RAPGEF2: variants seen among roughly 807,000 people sequenced by gnomAD.
RAPGEF2 encodes the protein PDZ domain containing guanine nucleotide exchange factor (GEF) 1.
RAPGEF2 carries 54 observed loss-of-function variants against 186.7 expected under a neutral mutation model. The ratio of observed to expected loss-of-function variants is 0.29; its 90% confidence interval spans 0.23 to 0.36. The LOEUF (loss-of-function observed/expected upper bound fraction) is 0.36, where lower values mean the gene tolerates loss of function less well. Among genes scored for constraint, RAPGEF2 ranks in the 10% least tolerant of loss-of-function variants. RAPGEF2 has a pLI of 1.00. For synonymous variants in RAPGEF2, 712 were observed against 705.9 expected, an observed-to-expected ratio of 1.01 and a Z score of -0.14; for missense variants, 1,532 against 2,045.0, an observed-to-expected ratio of 0.75 and a Z score of 4.84.
chr4:159,347,169 T>C (rs540334557), intron 25 of RAPGEF2, among the ~76,000 whole-genome samples, 171 bp downstream of exon 25: 2 of 152,348 alleles, frequency 1.3e-5, no homozygotes, highest in East Asian at 3.9e-4. Flanking sequence ...ACTTTGCCAA[T>C]GGAAGGGGTT....
At chr4:159,164,725 C>G (rs1477541554) in intron 1 of RAPGEF2, among the ~76,000 whole-genome samples, 1 of 152,090 alleles carries the variant, frequency 6.6e-6, no homozygotes, top group Non-Finnish European at 1.5e-5. Flanking sequence ...AAGCTTGAAA[C>G]TGATATTTTG....
At chr4:159,134,952 G>A (rs1462040877) in intron 1 of RAPGEF2, among the ~76,000 whole-genome samples, 7 of 152,204 alleles carry the variant, frequency 4.6e-5, no homozygotes, top group Non-Finnish European at 1.0e-4. Context: ...TAGTTTATAT[G>A]TGGTCTTTGG....
intron 1 of RAPGEF2, among the ~76,000 whole-genome samples, chr4:159,178,413 T>G (rs1746664052): frequency 6.6e-6 from 1 of 152,148 alleles, no homozygotes; most frequent in Non-Finnish European, 1.5e-5. Context: ...CAAATGAAAC[T>G]AAAAGCTAGT....
At chr4:159,277,144 A>G (rs1005464418) in intron 7 of RAPGEF2, among the ~76,000 whole-genome samples, 13 of 146,794 alleles carry the variant, frequency 8.9e-5, no homozygotes, top group East Asian at 2.0e-4. Context: ...TCATTGTTCA[A>G]TTCCCACCTA....
chr4:159,175,213 G>C (rs1005979108), intron 1 of RAPGEF2, among the ~76,000 whole-genome samples: 1 of 151,978 alleles, frequency 6.6e-6, no homozygotes, highest in African/African-American at 2.4e-5. Context: ...TTTTCTTTTG[G>C]GTGTAAATTA....
intron 7 of RAPGEF2, among the ~76,000 whole-genome samples, chr4:159,288,872 C>G (rs1253709759): frequency 3.3e-5 from 5 of 152,090 alleles, no homozygotes; most frequent in Admixed American, 3.3e-4. Flanking sequence ...TAAAGCTTTC[C>G]TTCCACATCT....
At chr4:159,262,591 A>C (rs1418109499) in intron 7 of RAPGEF2, among the ~76,000 whole-genome samples, 1 of 152,230 alleles carries the variant, frequency 6.6e-6, no homozygotes, top group East Asian at 1.9e-4. Context: ...CCGTTTTTCA[A>C]GTAAGTGCAT....
chr4:159,336,568 A>T (rs930342188), intron 17 of RAPGEF2, among the ~76,000 whole-genome samples: 3 of 152,180 alleles, frequency 2.0e-5, no homozygotes, highest in African/African-American at 7.2e-5. Context: ...TCCACTCATT[A>T]GTCGATGTGC....
At chr4:159,274,054 A>T (rs1188677829) in intron 7 of RAPGEF2, among the ~76,000 whole-genome samples, 1 of 152,056 alleles carries the variant, frequency 6.6e-6, no homozygotes, top group Non-Finnish European at 1.5e-5. Context: ...GGCCTCCCGA[A>T]GTGCTAGGAT....
Position 159,288,862 on chromosome 4 carries a change from T to C in RAPGEF2, c.544-15480T>C, listed in dbSNP as rs183497351. 2.0e-3 allele frequency among the ~76,000 whole-genome samples: 310 copies of C among 152,310 alleles called. 1 individual carries two copies. Among genetic ancestry groups the C allele is most frequent in the South Asian group, 4.8e-3 (23 of 4,830 alleles). ...TTACTCTGGATATTCCTTCTGTCTGTAAAGCTTTCCTTCCACATCTTTGGC... is the reference window on the plus strand; with the variant it reads ...TTACTCTGGATATTCCTTCTGTCTGCAAAGCTTTCCTTCCACATCTTTGGC... On this transcript the variant is annotated intron_variant, in intron 7 of 29. Transcript: ENST00000691494.
At position 159,151,782 on chromosome 4, in the gene RAPGEF2, G is replaced by T. The variant is rs561036251; in HGVS notation, c.70-34860G>T. Reference sequence around the variant, plus strand: ...TGTTTGTGTGTATTTGTGTTGGGGGGTGTCTGTTTAAAGTAGGGTGTAAAC... The same window carrying T: ...TGTTTGTGTGTATTTGTGTTGGGGGTTGTCTGTTTAAAGTAGGGTGTAAAC... On this transcript the variant is annotated intron_variant, in intron 1 of 29. Transcript: ENST00000691494. Among the ~76,000 whole-genome samples, 6 of 152,240 alleles carry T rather than the reference G, an allele frequency of 3.9e-5. No homozygotes were observed. In the East Asian group the frequency reaches 7.7e-4, roughly 20 times the overall value.
intron 11 of RAPGEF2, among the ~76,000 whole-genome samples, chr4:159,324,566 G>C (rs1482995169): frequency 6.6e-6 from 1 of 152,090 alleles, no homozygotes; most frequent in Non-Finnish European, 1.5e-5. Context: ...TAGTTATGCA[G>C]TGTTTTTATT....
chr4:159,280,986 C>CTT (rs376347355), intron 7 of RAPGEF2, among the ~76,000 whole-genome samples: 1 of 142,380 alleles, frequency 7.0e-6, no homozygotes, highest in Non-Finnish European at 1.5e-5. Flanking sequence ...TTAACTACTT[C>CTT]TTTTTTTTTT....
At chr4:159,348,218 C>CA (rs1554042937) in intron 25 of RAPGEF2, among the ~76,000 whole-genome samples, 1 of 145,742 alleles carries the variant, frequency 6.9e-6, no homozygotes, top group Admixed American at 7.0e-5. Flanking sequence ...AAGACTCTGT[C>CA]GATAGATAGA....
chr4:159,145,973 C>T (rs1475899686), intron 1 of RAPGEF2, among the ~76,000 whole-genome samples: 1 of 152,130 alleles, frequency 6.6e-6, no homozygotes, highest in Non-Finnish European at 1.5e-5. Flanking sequence ...GGTAAACTGT[C>T]ACCACTTGAT....
rs373973225 is a variant in RAPGEF2, at chr4:159,343,300, C to T, written c.3150C>T (p.Asp1050=). 3.0e-5 allele frequency: 48 copies of T among 1,613,844 alleles called. No homozygotes were observed. Among genetic ancestry groups the T allele is most frequent in the African/African-American group, 8.0e-5 (6 of 74,864 alleles). ...FLHEGNDSKV[D]GLVNFEKLRM... ...TTTCAGGAAATGACTCAAAAGTAGA[C>T]GGGCTGGTCAATTTTGAGAAGCTAA... The change falls in exon 22 of 30, where the codon GAC becomes GAT. Residue 1050 remains aspartate (D), a synonymous_variant. Coordinates refer to ENST00000691494, the MANE Select transcript of RAPGEF2 (RefSeq NM_001394067.2).
chr4:159,237,777 T>C lies in RAPGEF2; in HGVS notation c.282-1032T>C, dbSNP rs192851478. Among the ~76,000 whole-genome samples, 3 of 146,738 alleles carry C rather than the reference T, an allele frequency of 2.0e-5. 1 individual carries two copies. Among genetic ancestry groups the C allele is most frequent in the South Asian group, 4.3e-4 (2 of 4,648 alleles). ...ACTTTGGGAGGCAGAGGAGGGAAGA[T>C]TGATTGTGGCCCTAAGTTCAAGACC... is the stretch of plus-strand genomic sequence containing the variant. On this transcript the variant is annotated intron_variant, in intron 4 of 29. Coordinates refer to ENST00000691494, the MANE Select transcript of RAPGEF2 (RefSeq NM_001394067.2).
intron 7 of RAPGEF2, among the ~76,000 whole-genome samples, chr4:159,304,032 C>G (rs933893905): frequency 4.6e-5 from 7 of 152,078 alleles, no homozygotes; most frequent in Non-Finnish European, 7.4e-5. Flanking sequence ...GCCTAATTTG[C>G]TCATTGACGT....
chr4:159,195,720 T>C (rs1399167852), intron 3 of RAPGEF2, among the ~76,000 whole-genome samples: 1 of 151,958 alleles, frequency 6.6e-6, no homozygotes. Context: ...GTGTACATGC[T>C]GGGGTAAACA....
Sources: allele counts gnomAD v4.1 joint callset (sites outside exome capture counted in the v4.1 genomes callset), GRCh38; gene constraint gnomAD v4.1.1; transcripts MANE v1.5; gene names NCBI Gene and HGNC (gene_info 2026-07-23, HGNC 2026-07-21).